UNC5C: variants seen among roughly 807,000 people sequenced by gnomAD.
UNC5C encodes the protein netrin receptor UNC5C.
UNC5C carries 47 observed loss-of-function variants against 99.8 expected under a neutral mutation model. The ratio of observed to expected loss-of-function variants is 0.47; its 90% confidence interval spans 0.37 to 0.60. The LOEUF is 0.60. UNC5C is among the 20% of genes least tolerant of loss of function. The pLI, the probability that UNC5C is intolerant of heterozygous loss-of-function variation, is 0.00. For synonymous variants in UNC5C, 487 were observed against 452.2 expected, an observed-to-expected ratio of 1.08 and a Z score of -0.98; for missense variants, 1,062 against 1,165.9, an observed-to-expected ratio of 0.91 and a Z score of 1.30.
At chr4:95,382,454 C>G (rs1329505778) in intron 1 of UNC5C, among the ~76,000 whole-genome samples, 1 of 102,390 alleles carries the variant, frequency 9.8e-6, no homozygotes, top group Non-Finnish European at 2.0e-5. Flanking sequence ...GTGAGACCGT[C>G]TGTCAAAAAA....
intron 4 of UNC5C, among the ~76,000 whole-genome samples, chr4:95,262,566 A>C (rs182244289): frequency 6.6e-6 from 1 of 152,328 alleles, no homozygotes; most frequent in Non-Finnish European, 1.5e-5. Flanking sequence ...ATTTCCAATA[A>C]AAATTCAGTC....
At chr4:95,331,270 T>C (rs72676421) in intron 2 of UNC5C, among the ~76,000 whole-genome samples, 20,471 of 152,170 alleles carry the variant, frequency 0.13, 1,577 homozygotes, top group African/African-American at 0.19. Context: ...AATAGAGCTA[T>C]GAAAAACATA....
chr4:95,350,580 C>T (rs2626069), intron 1 of UNC5C, among the ~76,000 whole-genome samples: 118,008 of 151,876 alleles, frequency 0.78, 46,465 homozygotes, highest in East Asian at 1. Flanking sequence ...ATTTGAAGAA[C>T]AAAAAAAGAT....
chr4:95,226,290 A>G (rs1026794985), intron 7 of UNC5C, among the ~76,000 whole-genome samples: 1 of 152,184 alleles, frequency 6.6e-6, no homozygotes, highest in Non-Finnish European at 1.5e-5. Flanking sequence ...CTTAGCTGGG[A>G]GAGCTTTGCC....
rs2149431116 is a variant in UNC5C at position 95,354,503 on chromosome 4, A to T, written c.125-18872T>A. ...TATTTTTTTTTTTTTTTTAAGAGAC[A>T]GGGTCTTGTCCTGTCACCCAGGCTG... On this transcript the variant is annotated intron_variant, in intron 1 of 15. Coordinates refer to ENST00000453304, the MANE Select transcript of UNC5C (RefSeq NM_003728.4). Among the ~76,000 whole-genome samples the T allele has an allele frequency of 3.6e-5, 2 of 56,316 alleles. 1 individual carries two copies. The highest frequency in any genetic ancestry group is 3.0e-4 in the Admixed American group (2 of 6,572). The allele number at this position is 56,316 out of a possible 152,430, so 36.9% of individuals were successfully genotyped here. A position where few individuals can be genotyped will look rare whatever the true frequency, so the allele number is the denominator to read the frequency against.
intron 1 of UNC5C, among the ~76,000 whole-genome samples, chr4:95,420,579 C>T (rs1490633648): frequency 1.3e-5 from 2 of 151,974 alleles, no homozygotes; most frequent in Non-Finnish European, 1.5e-5. Context: ...CTCATTAGTC[C>T]ATTTGTTTTC....
rs1735791880 is a variant in UNC5C at position 95,164,573 on chromosome 4, A to T, written c.*4661T>A. The T allele has an allele frequency of 6.6e-6, 1 of 152,248 alleles. No individual in the cohort carries two copies. The highest frequency in any genetic ancestry group is 1.5e-5 in the Non-Finnish European group (1 of 68,044). The allele number at this position is 152,248 out of a possible 1,614,324, so 9.4% of individuals were successfully genotyped here. A position where few individuals can be genotyped will look rare whatever the true frequency, so the allele number is the denominator to read the frequency against. ...GGTCCTATGAGGCACTCGAGAGGTAAAAAAATGTTTTGTTAACTTGAGATA... is the reference window on the plus strand; with the variant it reads ...GGTCCTATGAGGCACTCGAGAGGTATAAAAATGTTTTGTTAACTTGAGATA... On this transcript the variant is annotated 3_prime_UTR_variant, in exon 16 of 16. Coordinates refer to ENST00000453304, the MANE Select transcript of UNC5C (RefSeq NM_003728.4).
At chr4:95,339,096 G>T (rs900300387) in intron 1 of UNC5C, among the ~76,000 whole-genome samples, 25 of 152,036 alleles carry the variant, frequency 1.6e-4, no homozygotes, top group African/African-American at 5.8e-4. Context: ...ATTCATTTTG[G>T]AACTTAGTTT....
chr4:95,427,368 A>T (rs1560828983), intron 1 of UNC5C, among the ~76,000 whole-genome samples: 2 of 152,190 alleles, frequency 1.3e-5, no homozygotes, highest in Non-Finnish European at 2.9e-5. Flanking sequence ...CCAATTTTGA[A>T]AGAAGTTCTA....
At chr4:95,466,493 C>T (rs1025302794) in intron 1 of UNC5C, among the ~76,000 whole-genome samples, 1 of 151,938 alleles carries the variant, frequency 6.6e-6, no homozygotes, top group Non-Finnish European at 1.5e-5. Context: ...TTCCATTTTC[C>T]CCTGTTTAAC....
chr4:95,520,218 T>A (rs977716936), intron 1 of UNC5C, among the ~76,000 whole-genome samples: 1 of 152,202 alleles, frequency 6.6e-6, no homozygotes, highest in Non-Finnish European at 1.5e-5. Flanking sequence ...ATATAAAATA[T>A]ATTTGTAAGT....
At chr4:95,424,374 G>A (rs554999400) in intron 1 of UNC5C, among the ~76,000 whole-genome samples, 1 of 151,676 alleles carries the variant, frequency 6.6e-6, no homozygotes, top group South Asian at 2.1e-4. Flanking sequence ...AGGAAATACC[G>A]ATTTCTCACA....
chr4:95,487,695 A>G (rs1721365103), intron 1 of UNC5C, among the ~76,000 whole-genome samples: 1 of 151,724 alleles, frequency 6.6e-6, no homozygotes, highest in African/African-American at 2.4e-5. Context: ...TAGTTATTAT[A>G]AATAGAATCT....
chr4:95,372,204 T>G (rs989540882), intron 1 of UNC5C, among the ~76,000 whole-genome samples: 4 of 152,198 alleles, frequency 2.6e-5, no homozygotes, highest in African/African-American at 9.6e-5. Flanking sequence ...GAGAAGAAAT[T>G]CACTAAATAT....
chr4:95,529,830 G>C lies in UNC5C; in HGVS notation c.124+18904C>G, dbSNP rs17451294. Among the ~76,000 whole-genome samples, 788 of 152,262 alleles carry C rather than the reference G, an allele frequency of 5.2e-3. 2 individuals are homozygous for C. Among genetic ancestry groups the C allele is most frequent in the Middle Eastern group, 0.01 (3 of 294 alleles). ...ACATAAACTGTGTGCCTAATGTCAGGCTTAGTTTAATTTACTTGACAATGT... is the reference window on the plus strand; with the variant it reads ...ACATAAACTGTGTGCCTAATGTCAGCCTTAGTTTAATTTACTTGACAATGT... On this transcript the variant is annotated intron_variant, in intron 1 of 15. Coordinates refer to ENST00000453304, the MANE Select transcript of UNC5C (RefSeq NM_003728.4).
intron 1 of UNC5C, among the ~76,000 whole-genome samples, chr4:95,379,317 T>C (rs993710882): frequency 1.1e-4 from 17 of 152,202 alleles, no homozygotes; most frequent in African/African-American, 4.1e-4. Context: ...CTGTGCACTA[T>C]TGGAAAATTT....
At chr4:95,482,330 A>T (rs1721182447) in intron 1 of UNC5C, among the ~76,000 whole-genome samples, 1 of 152,102 alleles carries the variant, frequency 6.6e-6, no homozygotes, top group Non-Finnish European at 1.5e-5. Context: ...CACCAGTTAG[A>T]ATGGCAGTCA....
chr4:95,171,416 G>T (rs1375594067), intron 14 of UNC5C, among the ~76,000 whole-genome samples: 1 of 115,436 alleles, frequency 8.7e-6, no homozygotes, highest in South Asian at 3.1e-4. Flanking sequence ...ACAGTCCCCA[G>T]AGTGTGATGT....
chr4:95,429,791 A>G (rs1746583352), intron 1 of UNC5C, among the ~76,000 whole-genome samples: 1 of 152,120 alleles, frequency 6.6e-6, no homozygotes, highest in Non-Finnish European at 1.5e-5. Flanking sequence ...ATCCTTAACC[A>G]GGAAGAGAAA....
Sources: allele counts gnomAD v4.1 joint callset (sites outside exome capture counted in the v4.1 genomes callset), GRCh38; gene constraint gnomAD v4.1.1; transcripts MANE v1.5; gene names NCBI Gene and HGNC (gene_info 2026-07-23, HGNC 2026-07-21).